QRICH2: variants seen among roughly 807,000 people sequenced by gnomAD.
The protein encoded by QRICH2 is glutamine-rich protein 2.
A neutral mutation model predicts 168.3 loss-of-function variants in QRICH2; 119 were observed. The ratio of observed to expected loss-of-function variants is 0.71; its 90% CI spans 0.61 to 0.82. QRICH2 has a LOEUF of 0.82. Among genes scored for constraint, QRICH2 ranks in the 40% least tolerant of loss-of-function variants. QRICH2 has a pLI of 0.00. For missense variants in QRICH2, 2,241 were observed against 2,491.6 expected, an observed-to-expected ratio of 0.90 and a Z score of 2.14; for synonymous variants, 894 against 951.2, an observed-to-expected ratio of 0.94 and a Z score of 1.11.
At chr17:76,287,509 G>A (rs2070912356) in intron 6 of QRICH2, among the ~76,000 whole-genome samples, 1 of 152,180 alleles carries the variant, frequency 6.6e-6, no homozygotes, top group Non-Finnish European at 1.5e-5. Flanking sequence ...GCACTGCAAA[G>A]AGAGAGCTCA....
chr17:76,278,437 C>A (rs750445784), intron 14 of QRICH2, among the ~76,000 whole-genome samples: 1 of 152,250 alleles, frequency 6.6e-6, no homozygotes, highest in Non-Finnish European at 1.5e-5. Flanking sequence ...TGCCTGTCTG[C>A]AGCTGTGGGT....
chr17:76,278,176 T>G lies in QRICH2; in HGVS notation c.4930A>C (p.Ser1644Arg). 1 of 1,606,722 alleles carries G rather than the reference T, an allele frequency of 6.2e-7. No individual in the cohort carries two copies. Among genetic ancestry groups the G allele is most frequent in the Non-Finnish European group, 8.5e-7 (1 of 1,179,986 alleles). Residue 1644 changes from serine (S) to arginine (R), a missense_variant, in exon 15 of 19, where the codon AGC becomes CGC. By Grantham distance (110) the Ser-to-Arg change is moderately radical (BLOSUM62 -1). Coordinates refer to ENST00000680821, the MANE Select transcript of QRICH2 (RefSeq NM_001388453.1). ...GCCAGGTCACCCCGAGGGAAGGCGC[T>G]GCCCAGCTTGAGGCTGCAGGGTGTG... is the stretch of plus-strand genomic sequence containing the variant. ...RQHSRNLKLGSAFPRGDLAQM... is the reference protein window; with the variant it reads ...RQHSRNLKLGRAFPRGDLAQM...
At position 76,307,559 on chromosome 17, in the gene QRICH2, CACTCT is replaced by C. The variant is rs901992953; in HGVS notation, c.435_439del (p.Glu146AlafsTer13). 2.9e-4 allele frequency: 454 copies of C among 1,583,262 alleles called. No individual in the cohort carries two copies. Among genetic ancestry groups the C allele is most frequent in the Non-Finnish European group, 3.5e-4 (410 of 1,165,162 alleles). ...CACGCCCACCTCCTGCTCCTCCGGCCACTCTAGCGCGGCCAGGTCAAGCCCGCTGG... is the reference window on the plus strand; with the variant it reads ...CACGCCCACCTCCTGCTCCTCCGGCCAGCGCGGCCAGGTCAAGCCCGCTGG... On this transcript the variant is annotated frameshift_variant, in exon 1 of 19. Transcript: ENST00000680821. LOFTEE classifies it high-confidence loss of function. This position sits in a 1 kb window ranked among gnomAD's most constrained non-coding sequence, Gnocchi z 5.3.
In QRICH2 at chr17:76,293,081, C is replaced by T. The variant is rs1421493018; in HGVS notation, c.1646G>A (p.Gly549Asp). ...TGCTTCCAAACTGGGCTGCACAAAACCTTGCTGATCTGCACTAATTGGCAT... is the reference window on the plus strand; with the variant it reads ...TGCTTCCAAACTGGGCTGCACAAAATCTTGCTGATCTGCACTAATTGGCAT... ...GLMPISADQQ[G>D]FVQPSLEATG... is the part of the protein sequence containing the mutation. The change falls in exon 4 of 19, where the codon GGT becomes GAT. Residue 549 changes from glycine (G) to aspartate (D), a missense_variant. Coordinates refer to ENST00000680821, the MANE Select transcript of QRICH2 (RefSeq NM_001388453.1). 1.2e-6 allele frequency: 2 copies of T among 1,614,122 alleles called. No homozygotes were observed. The highest frequency in any genetic ancestry group is 2.7e-5 in the African/African-American group (2 of 74,936).
chr17:76,280,458 A>G lies in QRICH2; in HGVS notation c.4462-7T>C. 6.2e-7 allele frequency: 1 copy of G among 1,613,012 alleles called. No homozygotes were observed. Among genetic ancestry groups the G allele is most frequent in the East Asian group, 2.2e-5 (1 of 44,874 alleles). ...GAGCACTCTTGTCGGCTTTCTGCCCAGAGACAGACAGAGGTCCCCGCATCT... is the reference window on the plus strand; with the variant it reads ...GAGCACTCTTGTCGGCTTTCTGCCCGGAGACAGACAGAGGTCCCCGCATCT... On this transcript the variant is annotated splice_region_variant and splice_polypyrimidine_tract_variant and intron_variant, in intron 10 of 18. Transcript: ENST00000680821. This position sits in a 1 kb window ranked among gnomAD's most constrained non-coding sequence, Gnocchi z 7.4.
chr17:76,300,002 T>C (rs549658429), intron 3 of QRICH2, among the ~76,000 whole-genome samples: 25 of 151,980 alleles, frequency 1.6e-4, no homozygotes, highest in Admixed American at 5.2e-4. Context: ...AGCTAACTTT[T>C]TGTATTTTTA....
In QRICH2 at chr17:76,277,160, G is replaced by C; in HGVS notation, c.5265+3C>G. On this transcript the variant is annotated splice_donor_region_variant and intron_variant, in intron 16 of 18. Transcript: ENST00000680821. ...CCCTGGTGGCTCCAGGCAGGGCCCT[G>C]ACCTTCATGGCAATCTGGATCTCTT... 1 of 1,569,438 alleles carries C rather than the reference G, an allele frequency of 6.4e-7. No homozygotes were observed. The highest frequency in any genetic ancestry group is 8.6e-7 in the Non-Finnish European group (1 of 1,163,722).
In QRICH2 at chr17:76,308,224, C is replaced by CA. The variant is rs2071021604; in HGVS notation, c.-227_-226insT. 1 of 985,430 alleles carries CA rather than the reference C, an allele frequency of 1.0e-6. No individual in the cohort carries two copies. The highest frequency in any genetic ancestry group is 1.7e-5 in the African/African-American group (1 of 57,368). 61.0% of individuals were successfully genotyped at this position (985,430 alleles called of 1,614,324 possible). A position where few individuals can be genotyped will look rare whatever the true frequency, so the allele number is the denominator to read the frequency against. On this transcript the variant is annotated 5_prime_UTR_variant, in exon 1 of 19. Coordinates refer to ENST00000680821, the MANE Select transcript of QRICH2 (RefSeq NM_001388453.1). The stretch of plus-strand genomic sequence containing the variant: ...CCCCTCCGCTGTCTGTCGCTGGCCT[C>CA]GGGTCCCCGAGCTGGAGCCCTGGAC...
At chr17:76,304,798 A>G in intron 2 of QRICH2, 84 bp downstream of exon 2, 1 of 1,016,872 alleles carries the variant, frequency 9.8e-7, no homozygotes, top group South Asian at 1.3e-5. Context: ...CCTGCCCTGG[A>G]TGGACAAGCC....
chr17:76,291,374 T>C lies in QRICH2; in HGVS notation c.3353A>G (p.Tyr1118Cys). 6.2e-7 allele frequency: 1 copy of C among 1,613,988 alleles called. No homozygotes were observed. Among genetic ancestry groups the C allele is most frequent in the Non-Finnish European group, 8.5e-7 (1 of 1,179,952 alleles). ...SMYPGYRGPG[Y>C]LSADQHGQEG... ...CTGGCCATGCTGATCAGCACTTAGA[T>C]ACCCTGGGCCACGATAACCAGGATA... Residue 1118 changes from tyrosine (Y) to cysteine (C), a missense_variant, in exon 4 of 19, where the codon TAT (tyrosine) becomes TGT (cysteine). By Grantham distance (194) the Tyr-to-Cys change is radical (BLOSUM62 -2). This residue lies in a region of QRICH2 where 2,047 missense variants were observed against 2,303.8 expected (regional missense o/e 0.89). Transcript: ENST00000680821.
At chr17:76,305,114 G>A (rs926870379) in intron 1 of QRICH2, among the ~76,000 whole-genome samples, 173 bp from the exon 2 acceptor site, 2 of 151,456 alleles carry the variant, frequency 1.3e-5, no homozygotes, top group Non-Finnish European at 2.9e-5. Context: ...AATTTGTGTG[G>A]CTCTTATGGA....
chr17:76,280,777 C>T lies in QRICH2; in HGVS notation c.4387-49G>A. The T allele has an allele frequency of 6.2e-7, 1 of 1,614,088 alleles. No homozygotes were observed. Among genetic ancestry groups the T allele is most frequent in the South Asian group, 1.1e-5 (1 of 91,088 alleles). On this transcript the variant is annotated intron_variant, in intron 9 of 18. Coordinates refer to ENST00000680821, the MANE Select transcript of QRICH2 (RefSeq NM_001388453.1). The surrounding 1 kb of genome is among the most constrained non-coding windows in gnomAD (Gnocchi z 7.4). Reference sequence around the variant, plus strand: ...AAAAAAAGAGCCAGCAGCTGCGGGGCTAGGGCACCACATTGAGCCCCGGCC... The same window carrying T: ...AAAAAAAGAGCCAGCAGCTGCGGGGTTAGGGCACCACATTGAGCCCCGGCC...
At chr17:76,304,615 G>GCCAC (rs762397067) in intron 2 of QRICH2, 90 bp from the exon 3 acceptor site, 35 of 916,692 alleles carry the variant, frequency 3.8e-5, no homozygotes, top group Non-Finnish European at 5.2e-5. Context: ...GATCTGGGTG[G>GCCAC]GTCCTTCACA....
In QRICH2 at chr17:76,304,863, T is replaced by C; in HGVS notation, c.594+19A>G. On this transcript the variant is annotated intron_variant, in intron 2 of 18. Transcript: ENST00000680821. ...CAGCCCCCTGGAGAGCCCTTTCCCA[T>C]GGAACTGGCTGGTATTACCAGGAAT... is the stretch of plus-strand genomic sequence containing the variant. The C allele has an allele frequency of 6.3e-7, 1 of 1,585,940 alleles. No homozygotes were observed. The highest frequency in any genetic ancestry group is 2.2e-5 in the East Asian group (1 of 44,768).
chr17:76,279,247 G>C, intron 13 of QRICH2, 105 bp from the exon 14 acceptor site: 1 of 1,334,844 alleles, frequency 7.5e-7, no homozygotes, highest in Non-Finnish European at 1.0e-6. Flanking sequence ...GCCTGGAAGG[G>C]AGCGAGGGCT....
intron 7 of QRICH2, among the ~76,000 whole-genome samples, chr17:76,286,693 G>A (rs1455308307): frequency 6.6e-6 from 1 of 151,786 alleles, no homozygotes; most frequent in Admixed American, 6.6e-5. Flanking sequence ...TGGCCAAAAT[G>A]GTGAAACCCC....
At chr17:76,305,844 T>C (rs1402448795) in intron 1 of QRICH2, among the ~76,000 whole-genome samples, 1 of 152,200 alleles carries the variant, frequency 6.6e-6, no homozygotes, top group Admixed American at 6.5e-5. Flanking sequence ...TTATAACTTT[T>C]GCAAACTTCT....
chr17:76,305,991 A>C (rs1257618689), intron 1 of QRICH2, among the ~76,000 whole-genome samples: 1 of 151,552 alleles, frequency 6.6e-6, no homozygotes, highest in African/African-American at 2.4e-5. Context: ...CCAACACGGC[A>C]AAACCCCATC....
chr17:76,298,665 G>C (rs1157993919), intron 3 of QRICH2, among the ~76,000 whole-genome samples: 2 of 151,832 alleles, frequency 1.3e-5, no homozygotes, highest in Non-Finnish European at 2.9e-5. Flanking sequence ...GCCCAGGCTG[G>C]AGTTCAGTGG....
Sources: allele counts gnomAD v4.1 joint callset (sites outside exome capture counted in the v4.1 genomes callset), GRCh38; gene constraint gnomAD v4.1.1; regional missense constraint gnomAD v4.1.1; non-coding constraint Gnocchi (gnomAD v3.1); transcripts MANE v1.5; gene names NCBI Gene and HGNC (gene_info 2026-07-23, HGNC 2026-07-21).